PTPRD: variants seen among roughly 807,000 people sequenced by gnomAD.
The protein encoded by PTPRD is protein tyrosine phosphatase receptor type D, also known as receptor-type tyrosine-protein phosphatase delta.
Under a neutral mutation model 214.5 loss-of-function variants are expected in PTPRD, and 34 were observed. The observed-to-expected ratio is 0.16, with a 90% CI of 0.12 to 0.21. The LOEUF is 0.21. PTPRD is among the 10% of genes least tolerant of loss of function. The pLI, the probability that PTPRD is intolerant of heterozygous loss-of-function variation, is 1.00. For synonymous variants in PTPRD, 1,128 were observed against 845.7 expected, an observed-to-expected ratio of 1.33 and a Z score of -5.79; for missense variants, 2,545 against 2,398.7, an observed-to-expected ratio of 1.06 and a Z score of -1.27.
chr9:9,297,992 G>A (rs991140523), intron 9 of PTPRD, among the ~76,000 whole-genome samples: 5 of 151,664 alleles, frequency 3.3e-5, no homozygotes, highest in Non-Finnish European at 7.4e-5. Context: ...CCAGCACAAT[G>A]TGTGACACAT....
intron 10 of PTPRD, among the ~76,000 whole-genome samples, chr9:9,059,535 A>G (rs181073676): frequency 6.6e-6 from 1 of 152,322 alleles, no homozygotes; most frequent in East Asian, 1.9e-4. Context: ...ACAGAAGAAA[A>G]TTGAAAAATG....
intron 12 of PTPRD, among the ~76,000 whole-genome samples, chr9:8,723,345 T>G (rs548291475): frequency 6.6e-6 from 1 of 152,124 alleles, no homozygotes; most frequent in Non-Finnish European, 1.5e-5. Context: ...CCAAGACCTA[T>G]CCTCTCCCTT....
At chr9:10,569,275 G>T (rs1174263890) in intron 2 of PTPRD, among the ~76,000 whole-genome samples, 1 of 151,978 alleles carries the variant, frequency 6.6e-6, no homozygotes, top group Non-Finnish European at 1.5e-5. Flanking sequence ...GTAACAACAG[G>T]TGCATTATTG....
At chr9:10,226,497 G>A (rs2099589387) in intron 3 of PTPRD, among the ~76,000 whole-genome samples, 1 of 152,002 alleles carries the variant, frequency 6.6e-6, no homozygotes, top group Admixed American at 6.6e-5. Context: ...GGCTGCATGA[G>A]GTGAAGCAGT....
chr9:9,105,459 A>G (rs1291997553), intron 10 of PTPRD, among the ~76,000 whole-genome samples: 1 of 152,224 alleles, frequency 6.6e-6, no homozygotes, highest in Non-Finnish European at 1.5e-5. Flanking sequence ...GAACTAATGC[A>G]CAAAGGATGT....
intron 10 of PTPRD, among the ~76,000 whole-genome samples, chr9:9,049,411 T>C (rs561846648): frequency 6.6e-6 from 1 of 152,302 alleles, no homozygotes; most frequent in African/African-American, 2.4e-5. Context: ...ACCTCTTTAT[T>C]TGAAGACAGG....
intron 4 of PTPRD, among the ~76,000 whole-genome samples, chr9:10,028,273 CT>C (rs1160415838): frequency 6.6e-6 from 1 of 152,164 alleles, no homozygotes; most frequent in African/African-American, 2.4e-5. Flanking sequence ...TCTATTAAAC[CT>C]TTTTCTTTTG....
chr9:10,420,212 T>TATA (rs1221419062), intron 2 of PTPRD, among the ~76,000 whole-genome samples: 1 of 151,822 alleles, frequency 6.6e-6, no homozygotes, highest in African/African-American at 2.4e-5. Context: ...AAATTGCATG[T>TATA]ATAATAATAA....
At chr9:9,668,052 C>T (rs2096756698) in intron 7 of PTPRD, among the ~76,000 whole-genome samples, 1 of 152,098 alleles carries the variant, frequency 6.6e-6, no homozygotes, top group Non-Finnish European at 1.5e-5. Context: ...GAGCTAAAAT[C>T]ATAGATTGCC....
At chr9:9,269,908 G>C (rs933222913) in intron 9 of PTPRD, among the ~76,000 whole-genome samples, 6 of 151,066 alleles carry the variant, frequency 4.0e-5, no homozygotes, top group Non-Finnish European at 7.4e-5. Flanking sequence ...TCAGTTAGAA[G>C]GCGAATAGGC....
chr9:8,801,963 C>G (rs368579634), intron 11 of PTPRD, among the ~76,000 whole-genome samples: 104 of 152,188 alleles, frequency 6.8e-4, no homozygotes, highest in African/African-American at 2.3e-3. Context: ...TGAGATAATT[C>G]CCACTTACTT....
intron 10 of PTPRD, among the ~76,000 whole-genome samples, chr9:9,069,782 G>GT (rs1202520190): frequency 9.2e-5 from 14 of 152,074 alleles, no homozygotes; most frequent in Non-Finnish European, 1.5e-4. Context: ...GAAACCTCAG[G>GT]TATTATACAA....
rs774499025 is a variant in PTPRD, at chr9:8,376,104, A to T, written c.4507-14T>A. ...ACTTGAACCATTCTGTGAAATAGGA[A>T]TATCAGCTGAAATTCTGTTTTCCAA... On this transcript the variant is annotated splice_polypyrimidine_tract_variant and intron_variant, in intron 38 of 45. Transcript: ENST00000381196. 6.2e-7 allele frequency: 1 copy of T among 1,611,268 alleles called. No individual in the cohort carries two copies.
chr9:9,638,847 C>T (rs1399327999), intron 7 of PTPRD, among the ~76,000 whole-genome samples: 3 of 152,050 alleles, frequency 2.0e-5, no homozygotes, highest in African/African-American at 7.2e-5. Flanking sequence ...TCCTGGCTTC[C>T]GAGATGTTGC....
chr9:9,238,490 G>C (rs1368938389), intron 9 of PTPRD, among the ~76,000 whole-genome samples: 1 of 152,020 alleles, frequency 6.6e-6, no homozygotes, highest in Non-Finnish European at 1.5e-5. Flanking sequence ...GAAGGCCTCG[G>C]GCATCTGATT....
intron 30 of PTPRD, among the ~76,000 whole-genome samples, chr9:8,474,927 C>T (rs1045320266): frequency 1.3e-5 from 2 of 152,080 alleles, no homozygotes; most frequent in African/African-American, 4.8e-5. Flanking sequence ...GTTTACCATA[C>T]ATTGTACTCC....
At position 10,477,717 on chromosome 9, in the gene PTPRD, C is replaced by T. The variant is rs144430973; in HGVS notation, c.-600+134681G>A. 5.8e-3 allele frequency among the ~76,000 whole-genome samples: 886 copies of T among 152,178 alleles called. 10 individuals carry two copies. The highest frequency in any genetic ancestry group is 0.02 in the African/African-American group (825 of 41,514). Reference sequence around the variant, plus strand: ...GCATCACTATTCACAATAGCAAAGACTTGGAACCAACCCAAATGCCCATCA... The same window carrying T: ...GCATCACTATTCACAATAGCAAAGATTTGGAACCAACCCAAATGCCCATCA... On this transcript the variant is annotated intron_variant, in intron 2 of 45. Transcript: ENST00000381196.
At chr9:10,292,490 A>G (rs993668444) in intron 3 of PTPRD, among the ~76,000 whole-genome samples, 1 of 152,158 alleles carries the variant, frequency 6.6e-6, no homozygotes, top group South Asian at 2.1e-4. Context: ...CAAAGATCAT[A>G]TGATCTGTAC....
At position 8,518,355 on chromosome 9, in the gene PTPRD, C is replaced by A. The variant is rs1592584765; in HGVS notation, c.1036G>T (p.Gly346Trp). 6.2e-7 allele frequency: 1 copy of A among 1,614,112 alleles called. No homozygotes were observed. The highest frequency in any genetic ancestry group is 8.5e-7 in the Non-Finnish European group (1 of 1,179,994). ...TAATAAGAAACAGGCTCAGGGTTCC[C>A]AGAGTCCCACGTCAGTGTGATGCTT... ...ATSITLTWDS[G>W]NPEPVSYYII... is the part of the protein sequence containing the mutation. The change falls in exon 21 of 46, where the codon GGG becomes TGG. Residue 346 changes from glycine to tryptophan, a missense_variant. Transcript: ENST00000381196.
Sources: allele counts gnomAD v4.1 joint callset (sites outside exome capture counted in the v4.1 genomes callset), GRCh38; gene constraint gnomAD v4.1.1; transcripts MANE v1.5; gene names NCBI Gene and HGNC (gene_info 2026-07-23, HGNC 2026-07-21).